Variants in PARP10 observed in about 807,000 individuals in gnomAD.
The protein encoded by PARP10 is protein mono-ADP-ribosyltransferase PARP10.
PARP10 carries 56 observed loss-of-function variants against 82.4 expected under a neutral mutation model. The observed-to-expected ratio is 0.68, with a 90% confidence interval of 0.55 to 0.85. The LOEUF (loss-of-function observed/expected upper bound fraction) is 0.85, where lower values mean the gene tolerates loss of function less well. Among genes scored for constraint, PARP10 ranks in the 40% least tolerant of loss-of-function variants. The pLI is 0.00. For synonymous variants in PARP10, 576 were observed against 601.1 expected (o/e 0.96, Z 0.61); for missense variants, 1,227 against 1,379.4 (o/e 0.89, Z 1.75).
chr8:144,012,125 G>A (rs1395901854), intron 1 of PARP10, among the ~76,000 whole-genome samples: 1 of 152,248 alleles, frequency 6.6e-6, no homozygotes, highest in Non-Finnish European at 1.5e-5. Context: ...ATGTTAAGGA[G>A]CTAGCACGGA....
At chr8:144,007,895 C>T (rs1187204110) in intron 1 of PARP10, among the ~76,000 whole-genome samples, 4 of 152,170 alleles carry the variant, frequency 2.6e-5, no homozygotes, top group African/African-American at 4.8e-5. Context: ...CTACCTGCCT[C>T]GGGGGCTTGT....
Position 144,008,743 on chromosome 8 carries a change from C to G in PARP10, c.-80+3787G>C, listed in dbSNP as rs1179247987. On this transcript the variant is annotated intron_variant, in intron 1 of 3. Transcript: ENST00000530478. This position sits in a 1 kb window ranked among gnomAD's most constrained non-coding sequence, Gnocchi z 4.0. ...GACTCTAGCCCCCAGACATGTCATC[C>G]AAATGGATGTGGATACATTTTTGGA... is the stretch of plus-strand genomic sequence containing the variant. Among the ~76,000 whole-genome samples, 2 of 152,154 alleles carry G rather than the reference C, an allele frequency of 1.3e-5. No individual in the cohort carries two copies. Among genetic ancestry groups the G allele is most frequent in the Admixed American group, 1.3e-4 (2 of 15,272 alleles).
chr8:143,992,125 C>T (rs1328497992), upstream of PARP10: 15 of 1,599,274 alleles, frequency 9.4e-6, no homozygotes, highest in East Asian at 3.3e-4. Context: ...GCCATGCAGT[C>T]CCACACGCCC....
intron 1 of PARP10, among the ~76,000 whole-genome samples, chr8:144,009,993 T>C (rs11996529): frequency 0.14 from 21,117 of 152,138 alleles, 3,281 homozygotes; most frequent in African/African-American, 0.38. Flanking sequence ...TGTTCCCACA[T>C]GCCCTTCCCT....
At chr8:143,991,754 C>T (rs1587467871), upstream of PARP10, 1 of 1,613,924 alleles carries the variant, frequency 6.2e-7, no homozygotes, top group Non-Finnish European at 8.5e-7. Flanking sequence ...CCAGGACTTC[C>T]CTGCCACCAA....
chr8:144,012,654 G>A (rs781818211), exon 1 of PARP10: 106 of 1,551,582 alleles, frequency 6.8e-5, no homozygotes, highest in Middle Eastern at 1.7e-4. Flanking sequence ...TCAGGCAGGC[G>A]GGCTCGGCAT....
At chr8:144,012,353 G>T (rs1554752567) in intron 1 of PARP10, 2 of 628,816 alleles carry the variant, frequency 3.2e-6, no homozygotes. Flanking sequence ...AGCAGAGAGG[G>T]CAAGGAAGAG....
At chr8:144,012,581 G>T in exon 1 of PARP10, 1 of 1,551,752 alleles carries the variant, frequency 6.4e-7, no homozygotes, top group Non-Finnish European at 8.7e-7. Context: ...GGGAAAATGA[G>T]GAACTGAAGA....
chr8:144,012,694 C>T (rs1554752628), exon 1 of PARP10: 1 of 1,551,652 alleles, frequency 6.4e-7, no homozygotes, highest in South Asian at 1.2e-5. Context: ...CTTGGTGAGG[C>T]AACAGCAGGC....
upstream of PARP10, among the ~76,000 whole-genome samples, chr8:143,989,291 A>G (rs1834050336): frequency 6.6e-6 from 1 of 152,250 alleles, no homozygotes; most frequent in Non-Finnish European, 1.5e-5. This position sits in a 1 kb window ranked among gnomAD's most constrained non-coding sequence, Gnocchi z 4.3. Context: ...CCTGGCCTCC[A>G]GTCCTGCTGC....
chr8:143,980,623 A>T (rs1279873196), intron 9 of PARP10, among the ~76,000 whole-genome samples: 1 of 151,972 alleles, frequency 6.6e-6, no homozygotes, highest in African/African-American at 2.4e-5. Context: ...TATGTTTAGC[A>T]CCCACTCAAG....
chr8:143,997,510 C>G (rs2133073007), intron 1 of PARP10, among the ~76,000 whole-genome samples: 1 of 152,312 alleles, frequency 6.6e-6, no homozygotes, highest in East Asian at 1.9e-4. Flanking sequence ...GTGCCCTTCC[C>G]TGAAGGCAAG....
upstream of PARP10, chr8:143,991,629 G>A (rs1834098993): frequency 6.3e-7 from 1 of 1,597,342 alleles, no homozygotes; most frequent in South Asian, 1.1e-5. Context: ...GAGGGGTGGG[G>A]TGGCCGGGAG....
upstream of PARP10, chr8:143,991,987 A>G (rs1554750591): frequency 5.6e-6 from 9 of 1,613,494 alleles, no homozygotes; most frequent in African/African-American, 1.3e-5. Flanking sequence ...TGGACCTACT[A>G]TGTCTCCTAT....
At chr8:144,004,143 T>G (rs1042546075) in intron 1 of PARP10, among the ~76,000 whole-genome samples, 3 of 149,344 alleles carry the variant, frequency 2.0e-5, no homozygotes, top group African/African-American at 7.5e-5. Context: ...TGAGACCCTA[T>G]CTCCACAAAA....
chr8:143,983,960 G>T, intron 7 of PARP10, 48 bp downstream of exon 7: 2 of 1,481,142 alleles, frequency 1.4e-6, no homozygotes, highest in Non-Finnish European at 1.8e-6. Context: ...AGGGGGTGAG[G>T]TCAAGTGAGG....
chr8:143,997,574 TC>T (rs35186719), intron 1 of PARP10, among the ~76,000 whole-genome samples: 40,339 of 152,000 alleles, frequency 0.27, 6,646 homozygotes, highest in Non-Finnish European at 0.36. Flanking sequence ...CACAAAGGGA[TC>T]TTTTTGATGA....
upstream of PARP10, chr8:143,992,359 A>G (rs1233526931): frequency 2.5e-6 from 4 of 1,599,610 alleles, no homozygotes; most frequent in Non-Finnish European, 3.4e-6. Context: ...CACCGTCGTC[A>G]TCTTCTCCAT....
chr8:144,006,186 T>C (rs571424634), intron 1 of PARP10, among the ~76,000 whole-genome samples: 3 of 152,318 alleles, frequency 2.0e-5, no homozygotes, highest in Non-Finnish European at 4.4e-5. Flanking sequence ...TGCTGTGTCC[T>C]GCGGGACCCG....
Sources: gnomAD v4.1 joint callset for allele counts (sites outside exome capture counted in the v4.1 genomes callset) on GRCh38, gnomAD v4.1.1 for gene constraint, Gnocchi (gnomAD v3.1) non-coding constraint, MANE v1.5 for transcripts, NCBI Gene and HGNC (gene_info 2026-07-23, HGNC 2026-07-21) for gene names.